CHD7: variants seen among roughly 807,000 people sequenced by gnomAD.
CHD7 encodes ATP-dependent chromatin remodeler CHD7.
A neutral mutation model predicts 307.3 loss-of-function variants in CHD7; 24 were observed. The ratio of observed to expected loss-of-function variants is 0.08; its 90% confidence interval spans 0.06 to 0.11. CHD7 has a LOEUF of 0.11. Among genes scored for constraint, CHD7 ranks in the 10% least tolerant of loss-of-function variants. The pLI is 1.00. For missense variants in CHD7, 3,106 were observed against 3,727.1 expected (o/e 0.83, Z 4.34); for synonymous variants, 1,363 against 1,349.9 (o/e 1.01, Z -0.21).
intron 1 of CHD7, among the ~76,000 whole-genome samples, chr8:60,734,367 G>C (rs1808601816): frequency 6.6e-6 from 1 of 152,200 alleles, no homozygotes; most frequent in South Asian, 2.1e-4. Context: ...TGTCTCTCAG[G>C]ATTCCACTTC....
At chr8:60,855,805 T>A (rs1238250657) in intron 32 of CHD7, among the ~76,000 whole-genome samples, 170 bp from the exon 33 acceptor site, 2 of 152,230 alleles carry the variant, frequency 1.3e-5, no homozygotes, top group South Asian at 2.1e-4. Flanking sequence ...TATAGGAGAT[T>A]TTGTTTATTT....
chr8:60,759,717 T>C (rs1186331139), intron 2 of CHD7, among the ~76,000 whole-genome samples: 1 of 152,204 alleles, frequency 6.6e-6, no homozygotes, highest in African/African-American at 2.4e-5. Flanking sequence ...TTCTTACTCA[T>C]GTCTCTAGTA....
At chr8:60,826,257 C>T (rs1466429477) in intron 13 of CHD7, among the ~76,000 whole-genome samples, 2 of 152,208 alleles carry the variant, frequency 1.3e-5, no homozygotes, top group African/African-American at 4.8e-5. Flanking sequence ...TCATCCTTGA[C>T]TCACCAACTG....
chr8:60,693,581 C>T (rs1008185994), intron 1 of CHD7, among the ~76,000 whole-genome samples: 8 of 152,198 alleles, frequency 5.3e-5, no homozygotes, highest in African/African-American at 1.9e-4. Flanking sequence ...GCCTCCTCAG[C>T]TATCGAGCCC....
intron 2 of CHD7, among the ~76,000 whole-genome samples, chr8:60,753,290 G>T (rs952086446): frequency 6.6e-6 from 1 of 152,160 alleles, no homozygotes; most frequent in Non-Finnish European, 1.5e-5. Flanking sequence ...ACTGGAATAA[G>T]GCGCTGTGGG....
chr8:60,770,314 T>C (rs963980880), intron 2 of CHD7, among the ~76,000 whole-genome samples: 17 of 152,240 alleles, frequency 1.1e-4, no homozygotes, highest in African/African-American at 3.9e-4. Flanking sequence ...TGAGCTGATA[T>C]ACATAACCAG....
At position 60,862,187 on chromosome 8, in the gene CHD7, C is replaced by T. The variant is rs1340959002; in HGVS notation, c.7831-9C>T. The T allele has an allele frequency of 6.3e-7, 1 of 1,598,302 alleles. No individual in the cohort carries two copies. The highest frequency in any genetic ancestry group is 8.5e-7 in the Non-Finnish European group (1 of 1,172,226). On this transcript the variant is annotated splice_polypyrimidine_tract_variant and intron_variant, in intron 35 of 37. Coordinates refer to ENST00000423902, the MANE Select transcript of CHD7 (RefSeq NM_017780.4). ...ACCAATTTTACTAAATATGTTTTTT[C>T]TTTTGCAGAAGAATGCAGATGTGCT...
chr8:60,860,274 G>A (rs1805908580), intron 34 of CHD7, among the ~76,000 whole-genome samples: 3 of 152,168 alleles, frequency 2.0e-5, no homozygotes, highest in Non-Finnish European at 4.4e-5. Context: ...GAGACTGAGA[G>A]GCCGCCTTTC....
intron 2 of CHD7, among the ~76,000 whole-genome samples, chr8:60,756,001 A>G (rs1326632755): frequency 6.6e-6 from 1 of 152,256 alleles, no homozygotes; most frequent in African/African-American, 2.4e-5. Flanking sequence ...GCCACTAGCC[A>G]CAAATGGCTA....
At chr8:60,714,508 G>T (rs1213064660) in intron 1 of CHD7, among the ~76,000 whole-genome samples, 1 of 149,864 alleles carries the variant, frequency 6.7e-6, no homozygotes, top group Non-Finnish European at 1.5e-5. Flanking sequence ...TCGCGCCCGT[G>T]CGCACCGCTG....
intron 1 of CHD7, among the ~76,000 whole-genome samples, chr8:60,687,915 A>C (rs752594545): frequency 6.6e-6 from 1 of 152,220 alleles, no homozygotes; most frequent in Non-Finnish European, 1.5e-5. Context: ...TGCCACGTAG[A>C]CCAGCTCTGG....
Position 60,856,098 on chromosome 8 carries a change from G to A in CHD7, c.7060G>A (p.Val2354Met). 1 of 1,611,512 alleles carries A rather than the reference G, an allele frequency of 6.2e-7. No individual in the cohort carries two copies. Among genetic ancestry groups the A allele is most frequent in the Non-Finnish European group, 8.5e-7 (1 of 1,178,796 alleles). ...GLIPGYTPTT[V>M]DSPLQKRSFA... ...CATCCCAGGTTACACACCCACCACA[G>A]TGGACAGCCCCTTGCAGAAGAGGAG... The change falls in exon 33 of 38, where the codon GTG becomes ATG. Residue 2354 changes from valine (V) to methionine (M), a missense_variant. Physicochemically the swap from Val to Met is conservative, Grantham distance 21. Transcript: ENST00000423902.
chr8:60,779,757 A>G (rs1811116388), intron 2 of CHD7, among the ~76,000 whole-genome samples: 1 of 152,184 alleles, frequency 6.6e-6, no homozygotes, highest in Admixed American at 6.5e-5. Flanking sequence ...TCTGTAGGTC[A>G]TGTGCTGAGG....
intron 7 of CHD7, among the ~76,000 whole-genome samples, chr8:60,813,524 C>G (rs1586373539): frequency 6.6e-6 from 1 of 152,112 alleles, no homozygotes; most frequent in East Asian, 1.9e-4. Context: ...AAGATCCTGT[C>G]TTTAGAACCA....
At chr8:60,848,380 G>A (rs964531965) in intron 23 of CHD7, 135 bp from the exon 24 acceptor site, 29 of 617,122 alleles carry the variant, frequency 4.7e-5, no homozygotes, top group Non-Finnish European at 7.3e-5. Flanking sequence ...CATCTGTCAC[G>A]CTTCAAGCCT....
At chr8:60,705,378 T>G (rs964745033) in intron 1 of CHD7, among the ~76,000 whole-genome samples, 2 of 152,196 alleles carry the variant, frequency 1.3e-5, no homozygotes, top group Non-Finnish European at 2.9e-5. Flanking sequence ...ATAAATTCAC[T>G]GAGGACAAAA....
At chr8:60,854,652 T>G in intron 32 of CHD7, 129 bp downstream of exon 32, 1 of 716,674 alleles carries the variant, frequency 1.4e-6, no homozygotes, top group Non-Finnish European at 2.1e-6. Context: ...CTATAGATTT[T>G]TCTTATACTT....
chr8:60,853,988 G>T (rs566353120), intron 31 of CHD7, among the ~76,000 whole-genome samples: 1 of 152,324 alleles, frequency 6.6e-6, no homozygotes, highest in African/African-American at 2.4e-5. Flanking sequence ...AATAGAGCAC[G>T]TACTGTGCTG....
chr8:60,679,465 G>C (rs957818887), intron 1 of CHD7: 11 of 145,728 alleles, frequency 7.5e-5, no homozygotes, highest in African/African-American at 2.7e-4. Flanking sequence ...GGACAGGAGG[G>C]AGCGTGTCTG....
Sources: allele counts gnomAD v4.1 joint callset (sites outside exome capture counted in the v4.1 genomes callset), GRCh38; gene constraint gnomAD v4.1.1; transcripts MANE v1.5; gene names NCBI Gene and HGNC (gene_info 2026-07-23, HGNC 2026-07-21).